Variants in TRPM8 observed in about 807,000 individuals in gnomAD.
TRPM8 encodes TRPM8 cationic channel.
A neutral mutation model predicts 133.7 loss-of-function variants in TRPM8; 110 were observed. The observed-to-expected ratio is 0.82, with a 90% CI of 0.70 to 0.96. The LOEUF (loss-of-function observed/expected upper bound fraction) is 0.96, where lower values mean the gene tolerates loss of function less well. Ranked by LOEUF, TRPM8 falls within the 40% of genes least tolerant of loss-of-function variation. TRPM8 has a pLI of 0.00. For missense variants in TRPM8, 1,291 were observed against 1,379.5 expected, an observed-to-expected ratio of 0.94 and a Z score of 1.02; for synonymous variants, 535 against 532.3, an observed-to-expected ratio of 1.01 and a Z score of -0.07.
At chr2:234,008,360 C>T (rs1027882563) in intron 24 of TRPM8, among the ~76,000 whole-genome samples, 6 of 152,224 alleles carry the variant, frequency 3.9e-5, no homozygotes, top group Non-Finnish European at 7.3e-5. Context: ...TCTTCTCTTT[C>T]TTTCAGCTGT....
intron 11 of TRPM8, among the ~76,000 whole-genome samples, chr2:233,955,790 A>C (rs1022662746): frequency 2.0e-5 from 3 of 152,186 alleles, no homozygotes; most frequent in Admixed American, 6.5e-5. Flanking sequence ...GTTAGGAACA[A>C]CAGGAAGTGA....
Position 233,955,176 on chromosome 2 carries a change from C to A in TRPM8, c.1288C>A (p.Leu430Met), listed in dbSNP as rs144120368. 5.6e-6 allele frequency: 9 copies of A among 1,614,088 alleles called. No individual in the cohort carries two copies. Among genetic ancestry groups the A allele is most frequent in the African/African-American group, 1.3e-5 (1 of 74,942 alleles). ...EQDKDNWNGQ[L>M]KLLLEWNQLD... ...AGACAAGGATAACTGGAATGGGCAG[C>A]TGAAGCTTCTGCTGGAGTGGAACCA... is the stretch of plus-strand genomic sequence containing the variant. Residue 430 changes from leucine (L) to methionine (M), a missense_variant, in exon 11 of 26, where the codon CTG (leucine) becomes ATG (methionine). Coordinates refer to ENST00000324695, the MANE Select transcript of TRPM8 (RefSeq NM_024080.5).
intron 17 of TRPM8, among the ~76,000 whole-genome samples, chr2:233,971,241 G>A (rs1337559562): frequency 6.6e-6 from 1 of 152,226 alleles, no homozygotes; most frequent in Non-Finnish European, 1.5e-5. Context: ...TGATAGATCT[G>A]GAGGGGGCAA....
Position 233,926,640 on chromosome 2 carries a change from T to C in TRPM8, c.103T>C (p.Ser35Pro), listed in dbSNP as rs1167725959. 1.9e-6 allele frequency: 3 copies of C among 1,613,538 alleles called. No homozygotes were observed. The highest frequency in any genetic ancestry group is 2.5e-6 in the Non-Finnish European group (3 of 1,179,436). The part of the protein sequence containing the change: ...YSSASRSTDL[S>P]YSESDLVNFI... ...CAGCGCGTCTCGGAGCACAGACTTG[T>C]CTTACAGTGAAAGCGTAAGTCATGC... is the stretch of plus-strand genomic sequence containing the variant. Residue 35 changes from serine (S) to proline (P), a missense_variant, in exon 2 of 26, where the codon TCT (serine) becomes CCT (proline). Ser to Pro is a moderately conservative substitution (Grantham distance 74). This residue lies in a region of TRPM8 where 963 missense variants were observed against 968.9 expected (regional missense o/e 0.99). Coordinates refer to ENST00000324695, the MANE Select transcript of TRPM8 (RefSeq NM_024080.5).
chr2:233,964,728 T>A lies in TRPM8; in HGVS notation c.1850T>A (p.Leu617Gln). The A allele has an allele frequency of 1.2e-6, 2 of 1,612,920 alleles. No individual in the cohort carries two copies. The highest frequency in any genetic ancestry group is 1.7e-4 in the Middle Eastern group (1 of 6,050). Reference sequence around the variant, plus strand: ...AATGCTGCTGGGGAGTCCGAGGAGCTGGCTAATGAGTACGAGACCCGGGCT... The same window carrying A: ...AATGCTGCTGGGGAGTCCGAGGAGCAGGCTAATGAGTACGAGACCCGGGCT... ...DINAAGESEE[L>Q]ANEYETRAVE... Residue 617 changes from leucine (L) to glutamine (Q), a missense_variant, in exon 14 of 26, where the codon CTG (leucine) becomes CAG (glutamine). Around this residue, in one of 2 missense-constraint regions of TRPM8, gnomAD observed 963 missense variants for 968.9 expected, o/e 0.99. Coordinates refer to ENST00000324695, the MANE Select transcript of TRPM8 (RefSeq NM_024080.5).
chr2:233,967,185 G>C (rs772899391), intron 15 of TRPM8, among the ~76,000 whole-genome samples: 2 of 152,244 alleles, frequency 1.3e-5, no homozygotes, highest in Non-Finnish European at 2.9e-5. Flanking sequence ...TGTGAAAGGT[G>C]TTGGTCCTTT....
chr2:233,932,160 T>C (rs1691692463), intron 3 of TRPM8, among the ~76,000 whole-genome samples: 1 of 152,232 alleles, frequency 6.6e-6, no homozygotes. Flanking sequence ...GGTGTGATAA[T>C]GGGATCTTGT....
At chr2:233,942,970 ATG>A (rs1180842596) in intron 6 of TRPM8, 5 of 608,652 alleles carry the variant, frequency 8.2e-6, no homozygotes, top group Non-Finnish European at 1.5e-5. Flanking sequence ...GTTCATTAAA[ATG>A]TGTTCTCAGC....
intron 21 of TRPM8, among the ~76,000 whole-genome samples, chr2:233,994,760 A>G (rs1457335680): frequency 6.6e-6 from 1 of 152,148 alleles, no homozygotes; most frequent in East Asian, 1.9e-4. Context: ...CTCGTAACAT[A>G]TGTAATCGAT....
At chr2:233,983,284 A>G in intron 20 of TRPM8, 60 bp downstream of exon 20, 1 of 1,600,878 alleles carries the variant, frequency 6.2e-7, no homozygotes, top group Non-Finnish European at 8.6e-7. Flanking sequence ...CCCTGAACCA[A>G]CCCCCAGGGC....
chr2:233,947,050 A>G (rs527364937), intron 7 of TRPM8, 38 bp from the exon 8 acceptor site: 1 of 1,599,144 alleles, frequency 6.3e-7, no homozygotes, highest in Non-Finnish European at 8.6e-7. Flanking sequence ...AGTATTTCTA[A>G]TGAGCTCAAA....
chr2:233,943,396 T>G (rs1021950456), intron 6 of TRPM8, among the ~76,000 whole-genome samples: 5 of 152,014 alleles, frequency 3.3e-5, no homozygotes, highest in African/African-American at 4.8e-5. Context: ...CCACAAAAAA[T>G]GATGAGTTCA....
chr2:233,969,836 GAGTGTGTGTGCC>G, intron 16 of TRPM8, 29 bp downstream of exon 16: 1 of 1,376,678 alleles, frequency 7.3e-7, no homozygotes, highest in Non-Finnish European at 1.0e-6. Context: ...AATCGTGTGT[GAGTGTGTGTGCC>G]AGTGTGTGTA....
At chr2:233,921,677 CTTTTTTTTTT>C (rs11373529) in intron 1 of TRPM8, among the ~76,000 whole-genome samples, 6 of 106,660 alleles carry the variant, frequency 5.6e-5, no homozygotes. Flanking sequence ...CTTTTCTTTT[CTTTTTTTTTT>C]TTTTTTTGAG....
Position 233,959,171 on chromosome 2 carries a change from G to A in TRPM8, c.1363-1605G>A, listed in dbSNP as rs945398762. Among the ~76,000 whole-genome samples, 27 of 151,818 alleles carry A rather than the reference G, an allele frequency of 1.8e-4. No individual in the cohort carries two copies. In the Middle Eastern group the frequency reaches 0.01, roughly 58 times the overall value. On this transcript the variant is annotated intron_variant, in intron 11 of 25. Coordinates refer to ENST00000324695, the MANE Select transcript of TRPM8 (RefSeq NM_024080.5). ...CTCCGGAGTAGCTGGGATTACAGGCGTGCGCCACCACGCCCAGCTAATTTT... is the reference window on the plus strand; with the variant it reads ...CTCCGGAGTAGCTGGGATTACAGGCATGCGCCACCACGCCCAGCTAATTTT...
intron 5 of TRPM8, among the ~76,000 whole-genome samples, chr2:233,941,032 A>T (rs1690893410): frequency 1.3e-5 from 2 of 152,308 alleles, no homozygotes; most frequent in South Asian, 4.1e-4. Flanking sequence ...TGACCTCGAA[A>T]GGTCATCTCT....
intron 5 of TRPM8, 72 bp from the exon 6 acceptor site, chr2:233,942,504 G>C (rs1438074493): frequency 2.0e-6 from 3 of 1,492,914 alleles, no homozygotes; most frequent in Non-Finnish European, 2.8e-6. Context: ...CTTTATTTTA[G>C]GGGTCTGTGA....
chr2:233,994,301 A>G (rs1380060438), intron 21 of TRPM8, among the ~76,000 whole-genome samples: 2 of 152,204 alleles, frequency 1.3e-5, no homozygotes, highest in African/African-American at 4.8e-5. Flanking sequence ...TTAGCCTCAA[A>G]GCAGCCTGAC....
At chr2:233,927,759 T>C (rs1574689401) in intron 2 of TRPM8, among the ~76,000 whole-genome samples, 3 of 68,864 alleles carry the variant, frequency 4.4e-5, no homozygotes, top group African/African-American at 4.0e-4. Flanking sequence ...TCTTTCTTTC[T>C]TTCTTTCTTT....
Sources: allele counts gnomAD v4.1 joint callset (sites outside exome capture counted in the v4.1 genomes callset), GRCh38; gene constraint gnomAD v4.1.1; regional missense constraint gnomAD v4.1.1; transcripts MANE v1.5; gene names NCBI Gene and HGNC (gene_info 2026-07-23, HGNC 2026-07-21).